The following ANO6 variants were observed in gnomAD, a reference collection of about 807,000 sequenced individuals.
ANO6 encodes the protein anoctamin 6, also known as anoctamin-6.
In ANO6, 106 loss-of-function variants were observed where a neutral mutation model predicts 117.5. That is an observed-to-expected ratio of 0.90 (90% confidence interval 0.77 to 1.06). The LOEUF is 1.06. Ranked by LOEUF, ANO6 falls within the 50% of genes least tolerant of loss-of-function variation. The pLI, the probability that ANO6 is intolerant of heterozygous loss-of-function variation, is 0.00. For missense variants in ANO6, 955 were observed against 1,121.1 expected, an observed-to-expected ratio of 0.85 and a Z score of 2.12; for synonymous variants, 367 against 385.1, an observed-to-expected ratio of 0.95 and a Z score of 0.55.
At position 45,405,839 on chromosome 12, in the gene ANO6, G is replaced by A. The variant is rs562203091; in HGVS notation, c.1880+2303G>A. 1.7e-3 allele frequency among the ~76,000 whole-genome samples: 261 copies of A among 152,132 alleles called. 1 individual carries two copies. In the Middle Eastern group the frequency reaches 0.02, roughly 12 times the overall value. ...AGGAGAATTGCTTGAACCTGGAGGCGGAGGTTGCAGTGAGCCGAGATCGCA... is the reference window on the plus strand; with the variant it reads ...AGGAGAATTGCTTGAACCTGGAGGCAGAGGTTGCAGTGAGCCGAGATCGCA... On this transcript the variant is annotated intron_variant, in intron 15 of 19. Coordinates refer to ENST00000320560, the MANE Select transcript of ANO6 (RefSeq NM_001025356.3).
At chr12:45,261,519 A>T (rs771994524) in intron 1 of ANO6, among the ~76,000 whole-genome samples, 1 of 152,238 alleles carries the variant, frequency 6.6e-6, no homozygotes, top group South Asian at 2.1e-4. Flanking sequence ...TTGTGGGACA[A>T]CTGAGGCCAG....
intron 1 of ANO6, among the ~76,000 whole-genome samples, chr12:45,263,583 G>A (rs1307096736): frequency 2.0e-5 from 3 of 151,996 alleles, no homozygotes; most frequent in Non-Finnish European, 2.9e-5. Flanking sequence ...CTGCACCAAG[G>A]ATTTCCATTG....
At position 45,357,472 on chromosome 12, in the gene ANO6, A is replaced by G. The variant is rs751344657; in HGVS notation, c.998+48A>G. On this transcript the variant is annotated intron_variant, in intron 8 of 19. Transcript: ENST00000320560. The stretch of plus-strand genomic sequence containing the variant: ...TGCCATGCTGAAAAGTTTATTAGAC[A>G]TAAAATTATTTTCATGGTCTTAAAC... The G allele has an allele frequency of 1.2e-5, 20 of 1,608,634 alleles. 1 individual carries two copies. The highest frequency in any genetic ancestry group is 8.5e-7 in the Non-Finnish European group (1 of 1,176,988).
At chr12:45,221,867 T>C (rs922519227) in intron 1 of ANO6, among the ~76,000 whole-genome samples, 1 of 142,516 alleles carries the variant, frequency 7.0e-6, no homozygotes, top group Admixed American at 7.0e-5. Context: ...CCATTCTCCC[T>C]CCCCGACTCC....
At chr12:45,409,207 G>T in intron 15 of ANO6, 150 bp from the exon 16 acceptor site, 1 of 940,570 alleles carries the variant, frequency 1.1e-6, no homozygotes, top group Non-Finnish European at 1.6e-6. Flanking sequence ...TTTGGAATAA[G>T]GAGGCAGAAA....
At chr12:45,246,754 C>T (rs1433004915) in intron 1 of ANO6, among the ~76,000 whole-genome samples, 1 of 150,428 alleles carries the variant, frequency 6.6e-6, no homozygotes, top group Non-Finnish European at 1.5e-5. Flanking sequence ...GCTAGTTCCA[C>T]CCTACTTTTT....
chr12:45,255,941 C>T (rs2137198840), intron 1 of ANO6, among the ~76,000 whole-genome samples: 1 of 151,646 alleles, frequency 6.6e-6, no homozygotes, highest in East Asian at 2.0e-4. Context: ...CCTGAGCCTC[C>T]CTCCCGAGTA....
chr12:45,400,567 T>C (rs1193696628), intron 12 of ANO6, among the ~76,000 whole-genome samples: 1 of 152,250 alleles, frequency 6.6e-6, no homozygotes, highest in African/African-American at 2.4e-5. Context: ...TTGGTGCTTT[T>C]CATGTATCTG....
chr12:45,234,339 T>C (rs930004649), intron 1 of ANO6, among the ~76,000 whole-genome samples: 4 of 151,890 alleles, frequency 2.6e-5, no homozygotes. Flanking sequence ...TTGCAGACTC[T>C]CCCTATGTAT....
chr12:45,249,227 C>G (rs1318675906), intron 1 of ANO6, among the ~76,000 whole-genome samples: 1 of 152,116 alleles, frequency 6.6e-6, no homozygotes, highest in South Asian at 2.1e-4. Flanking sequence ...ATTAAAGAAA[C>G]AGAATCACAA....
intron 1 of ANO6, among the ~76,000 whole-genome samples, chr12:45,226,354 T>G (rs1249538265): frequency 6.6e-6 from 1 of 152,094 alleles, no homozygotes; most frequent in Non-Finnish European, 1.5e-5. Flanking sequence ...CTTTTATATC[T>G]AATGCTTTCA....
At chr12:45,342,362 A>C (rs77765973) in intron 3 of ANO6, among the ~76,000 whole-genome samples, 3,533 of 152,284 alleles carry the variant, frequency 0.023, 58 homozygotes, top group Middle Eastern at 0.058. Flanking sequence ...GGTATGTTTG[A>C]CAGAACTGCC....
intron 1 of ANO6, 92 bp downstream of exon 1, chr12:45,216,483 G>A (rs746227475): frequency 1.7e-5 from 24 of 1,444,240 alleles, no homozygotes; most frequent in Middle Eastern, 1.9e-4. Context: ...GCTCTCCGCG[G>A]GGGAGGTTGG....
chr12:45,299,406 T>C (rs1055378868), intron 1 of ANO6, among the ~76,000 whole-genome samples: 2 of 152,226 alleles, frequency 1.3e-5, no homozygotes, highest in African/African-American at 4.8e-5. Flanking sequence ...CTGTTTCTGC[T>C]TTGGTTCACA....
intron 3 of ANO6, among the ~76,000 whole-genome samples, chr12:45,342,721 C>T (rs1941015384): frequency 6.6e-6 from 1 of 152,136 alleles, no homozygotes; most frequent in Non-Finnish European, 1.5e-5. Context: ...TGTGTGCTTA[C>T]TCTGTTATAG....
downstream of ANO6, among the ~76,000 whole-genome samples, chr12:45,437,193 A>G (rs979180572): frequency 5.3e-5 from 8 of 152,098 alleles, no homozygotes; most frequent in Non-Finnish European, 1.0e-4. Context: ...ACACAAAACT[A>G]TTTTCCTAAT....
chr12:45,230,027 T>C (rs1249558049), intron 1 of ANO6, among the ~76,000 whole-genome samples: 2 of 152,176 alleles, frequency 1.3e-5, no homozygotes, highest in Non-Finnish European at 2.9e-5. Context: ...ATTATTAATA[T>C]TGTGGGTAGT....
chr12:45,383,050 G>C (rs1348005188), intron 10 of ANO6: 1 of 156,484 alleles, frequency 6.4e-6, no homozygotes, highest in African/African-American at 2.4e-5. Flanking sequence ...GAACTTCTTT[G>C]AAAATTGGAG....
At chr12:45,426,305 A>G (rs943471063) in intron 19 of ANO6, among the ~76,000 whole-genome samples, 8 of 152,230 alleles carry the variant, frequency 5.3e-5, no homozygotes, top group Admixed American at 4.6e-4. Flanking sequence ...ACTCTTTCCT[A>G]CAGCATCAAC....
Sources: allele counts gnomAD v4.1 joint callset (sites outside exome capture counted in the v4.1 genomes callset), GRCh38; gene constraint gnomAD v4.1.1; transcripts MANE v1.5; gene names NCBI Gene and HGNC (gene_info 2026-07-23, HGNC 2026-07-21).